Variants in DNAH17 observed in about 807,000 individuals in gnomAD.
DNAH17 encodes the protein axonemal beta dynein heavy chain 17.
Under a neutral mutation model 485.6 loss-of-function variants are expected in DNAH17, and 376 were observed. The observed-to-expected ratio is 0.77, with a 90% CI of 0.71 to 0.84. The LOEUF is 0.84. DNAH17 is among the 40% of genes least tolerant of loss of function. The probability of loss-of-function intolerance (pLI) is 0.00; values close to 1 mark genes in which losing one functional copy is unlikely to be tolerated. For missense variants in DNAH17, 6,370 were observed against 5,839.3 expected, an observed-to-expected ratio of 1.09 and a Z score of -2.96; for synonymous variants, 3,031 against 2,405.9, an observed-to-expected ratio of 1.26 and a Z score of -7.60.
At chr17:78,529,324 C>T in intron 22 of DNAH17, 148 bp downstream of exon 22, 2 of 782,140 alleles carry the variant, frequency 2.6e-6, no homozygotes, top group South Asian at 3.5e-5. Flanking sequence ...CTCCTCCCTG[C>T]ACCTCCCTGT....
intron 51 of DNAH17, among the ~76,000 whole-genome samples, chr17:78,478,026 CCACCATCA>C (rs1423882525): frequency 1.8e-4 from 26 of 146,052 alleles, no homozygotes; most frequent in South Asian, 6.5e-4. Context: ...ACCATCACCA[CCACCATCA>C]CACCACCATC....
rs78321431 is a variant in DNAH17 at position 78,560,729 on chromosome 17, C to T, written c.2031+11G>A. On this transcript the variant is annotated intron_variant, in intron 13 of 80. Coordinates refer to ENST00000389840, the MANE Select transcript of DNAH17 (RefSeq NM_173628.4). The stretch of plus-strand genomic sequence containing the variant: ...GGAGCCTTTGACGCGGTCCCCACTC[C>T]TGGCACCCACCGCTTTGCTGAAGTT... 0.38 allele frequency: 583,627 copies of T among 1,544,228 alleles called. 113,787 individuals carry two copies. Among genetic ancestry groups the T allele is most frequent in the South Asian group, 0.54 (45,231 of 83,330 alleles).
Position 78,459,943 on chromosome 17 carries a change from G to C in DNAH17, c.9494C>G (p.Thr3165Ser). ...TGCGGTCAGAATCATGACGGCGGCG[G>C]TGACGTTGACCACAGCATCCGGCGG... ...GSPPDAVVNV[T>S]AAVMILTAPG... is the part of the protein sequence containing the mutation. Residue 3165 changes from threonine to serine, a missense_variant, in exon 60 of 81, where the codon ACC (threonine) becomes AGC (serine). Thr to Ser is a moderately conservative substitution (Grantham distance 58). Transcript: ENST00000389840. The C allele has an allele frequency of 6.2e-7, 1 of 1,613,762 alleles. No homozygotes were observed. The highest frequency in any genetic ancestry group is 8.5e-7 in the Non-Finnish European group (1 of 1,179,884).
chr17:78,453,982 A>G (rs2087672164), intron 64 of DNAH17, among the ~76,000 whole-genome samples: 1 of 152,136 alleles, frequency 6.6e-6, no homozygotes, highest in Admixed American at 6.5e-5. Flanking sequence ...TGCTGAGATT[A>G]CAGGTACGAG....
Position 78,570,250 on chromosome 17 carries a change from C to T in DNAH17, c.1041G>A (p.Glu347=). 6.3e-7 allele frequency: 1 copy of T among 1,582,780 alleles called. No individual in the cohort carries two copies. Among genetic ancestry groups the T allele is most frequent in the South Asian group, 1.2e-5 (1 of 86,228 alleles). ...ILQEFCNQII[E]MTRTFLSPEE... ...CCAGGGGCCAGGGGAGGGTTACCAT[C>T]TCGATGATTTGGTTGCAGAACTCCT... The change falls in exon 7 of 81, where the codon GAG becomes GAA. Residue 347 remains glutamate, a synonymous_variant. Transcript: ENST00000389840.
Position 78,561,988 on chromosome 17 carries a change from CAAAGGAGAAG to C in DNAH17, c.1570-18_1570-9del. On this transcript the variant is annotated splice_polypyrimidine_tract_variant and intron_variant, in intron 11 of 80. Coordinates refer to ENST00000389840, the MANE Select transcript of DNAH17 (RefSeq NM_173628.4). ...CCCACACATGTACAGGAGCTGAGGA[CAAAGGAGAAG>C]GGGGCCTCTTCACCACAGTCTCCTC... 1 of 1,572,268 alleles carries C rather than the reference CAAAGGAGAAG, an allele frequency of 6.4e-7. No individual in the cohort carries two copies. Among genetic ancestry groups the C allele is most frequent in the Non-Finnish European group, 8.6e-7 (1 of 1,158,874 alleles).
At chr17:78,450,515 GC>G in intron 67 of DNAH17, 121 bp from the exon 68 acceptor site, 1 of 1,459,152 alleles carries the variant, frequency 6.9e-7, no homozygotes, top group South Asian at 1.3e-5. Flanking sequence ...CTCAGCAGCA[GC>G]TGGGTGCAGG....
intron 1 of DNAH17, among the ~76,000 whole-genome samples, chr17:78,576,019 G>C (rs1211482565): frequency 6.6e-6 from 1 of 152,226 alleles, no homozygotes; most frequent in Non-Finnish European, 1.5e-5. Flanking sequence ...CAATCTGGGA[G>C]GTATGCAGCT....
chr17:78,468,966 G>A (rs2088619133), intron 54 of DNAH17, 83 bp from the exon 55 acceptor site: 3 of 1,493,430 alleles, frequency 2.0e-6, no homozygotes, highest in African/African-American at 1.4e-5. Flanking sequence ...CCAGAGCACA[G>A]GGCCATTTTT....
chr17:78,571,064 T>C (rs2092350519), intron 5 of DNAH17, 31 bp from the exon 6 acceptor site: 4 of 1,546,920 alleles, frequency 2.6e-6, no homozygotes, highest in Non-Finnish European at 3.5e-6. Flanking sequence ...TGCCCACCGG[T>C]AAGAGAGCAG....
Position 78,501,847 on chromosome 17 carries a change from C to A in DNAH17, c.5217G>T (p.Thr1739=), listed in dbSNP as rs376047406. 3.1e-6 allele frequency: 5 copies of A among 1,613,982 alleles called. No homozygotes were observed. Among genetic ancestry groups the A allele is most frequent in the African/African-American group, 1.3e-5 (1 of 75,054 alleles). The change falls in exon 34 of 81, where the codon ACG becomes ACT. Residue 1739 remains threonine (T), a synonymous_variant. Coordinates refer to ENST00000389840, the MANE Select transcript of DNAH17 (RefSeq NM_173628.4). ...KQISQLNVLI[T]LLMGNLNAGD... is the part of the protein sequence containing the mutation. Reference sequence around the variant, plus strand: ...CAGCGTTGAGGTTCCCCATGAGCAGCGTGATGAGTACGTTCAGCTGGCTAA... The same window carrying A: ...CAGCGTTGAGGTTCCCCATGAGCAGAGTGATGAGTACGTTCAGCTGGCTAA...
chr17:78,449,441 G>C lies in DNAH17; in HGVS notation c.11184C>G (p.Leu3728=), dbSNP rs972991316. 1.9e-6 allele frequency: 3 copies of C among 1,551,358 alleles called. No individual in the cohort carries two copies. The African/African-American group carries it at 4.1e-5, about 21-fold the overall frequency. ...TARGLFERDK[L]IFLAQVTFQV... is the part of the protein sequence containing the mutation. Reference sequence around the variant, plus strand: ...GAAACGTAACTTGTGCCAGGAAAATGAGTTTGTCCCTCTCGAAGAGTCCCC... The same window carrying C: ...GAAACGTAACTTGTGCCAGGAAAATCAGTTTGTCCCTCTCGAAGAGTCCCC... Residue 3728 remains leucine, a synonymous_variant, in exon 69 of 81, where the codon CTC becomes CTG. Coordinates refer to ENST00000389840, the MANE Select transcript of DNAH17 (RefSeq NM_173628.4).
chr17:78,506,403 G>A (rs1042348169), intron 30 of DNAH17, among the ~76,000 whole-genome samples: 1 of 152,074 alleles, frequency 6.6e-6, no homozygotes, highest in African/African-American at 2.4e-5. Context: ...CCACTGAGAG[G>A]TGTGTCTTTC....
intron 2 of DNAH17, 26 bp downstream of exon 2, chr17:78,574,687 C>A: frequency 6.4e-7 from 1 of 1,570,008 alleles, no homozygotes; most frequent in Non-Finnish European, 8.7e-7. Flanking sequence ...GCTCGACACC[C>A]CGGATGGCAG....
At chr17:78,516,232 G>T (rs1279926905) in intron 25 of DNAH17, among the ~76,000 whole-genome samples, 1 of 152,216 alleles carries the variant, frequency 6.6e-6, no homozygotes, top group African/African-American at 2.4e-5. Flanking sequence ...TGGCTAGTGT[G>T]TTTTGGAGAG....
chr17:78,543,931 C>T lies in DNAH17; in HGVS notation c.2458G>A (p.Gly820Arg). ...CGCTTGTTGAGGTTGGCAATTCTTC[C>T]ATCCAAGTCTAACAGGGCCTCTTTC... is the stretch of plus-strand genomic sequence containing the variant. The part of the protein sequence containing the change: ...NKKEALLDLD[G>R]RIANLNKRYA... The change falls in exon 17 of 81, where the codon GGA becomes AGA. Residue 820 changes from glycine to arginine, a missense_variant. Coordinates refer to ENST00000389840, the MANE Select transcript of DNAH17 (RefSeq NM_173628.4). 3 of 1,614,068 alleles carry T rather than the reference C, an allele frequency of 1.9e-6. No homozygotes were observed. Among genetic ancestry groups the T allele is most frequent in the Non-Finnish European group, 2.5e-6 (3 of 1,179,898 alleles).
At chr17:78,447,502 C>T (rs1054291298) in intron 69 of DNAH17, among the ~76,000 whole-genome samples, 9 of 152,206 alleles carry the variant, frequency 5.9e-5, no homozygotes, top group African/African-American at 1.9e-4. Flanking sequence ...GGGCAATGGC[C>T]ACTGCCATCT....
In DNAH17 at chr17:78,542,156, T is replaced by C. The variant is rs969075020; in HGVS notation, c.2532+1701A>G. ...CTGCCCTAAAATACTTTTTTTTTTT[T>C]TTTTTTCTGAGGTGGAGTCTCACTC... On this transcript the variant is annotated intron_variant, in intron 17 of 80. Transcript: ENST00000389840. Among the ~76,000 whole-genome samples the C allele has an allele frequency of 1.3e-4, 20 of 151,488 alleles. 1 individual carries two copies. Among genetic ancestry groups the C allele is most frequent in the Admixed American group, 1.0e-3 (16 of 15,240 alleles).
At chr17:78,557,682 C>CAGTGGG (rs1404537160) in intron 14 of DNAH17, among the ~76,000 whole-genome samples, 2 of 141,970 alleles carry the variant, frequency 1.4e-5, no homozygotes, top group East Asian at 4.2e-4. Context: ...AGCCAAAGCC[C>CAGTGGG]AGTGGGAATA....
Sources: gnomAD v4.1 joint callset for allele counts (sites outside exome capture counted in the v4.1 genomes callset) on GRCh38, gnomAD v4.1.1 for gene constraint, MANE v1.5 for transcripts, NCBI Gene and HGNC (gene_info 2026-07-23, HGNC 2026-07-21) for gene names.